The following ZNF804A variants were observed in gnomAD, a reference collection of about 807,000 sequenced individuals.
ZNF804A encodes the protein zinc finger protein 804A.
A neutral mutation model predicts 16.5 loss-of-function variants in ZNF804A; 2 were observed. The ratio of observed to expected loss-of-function variants is 0.12; its 90% CI spans 0.05 to 0.38. ZNF804A has a LOEUF of 0.38. ZNF804A is among the 10% of genes least tolerant of loss of function. The pLI is 0.99. For synonymous variants in ZNF804A, 534 were observed against 489.6 expected (o/e 1.09, Z -1.20); for missense variants, 1,473 against 1,390.7 (o/e 1.06, Z -0.94).
intron 1 of ZNF804A, among the ~76,000 whole-genome samples, chr2:184,669,702 A>T (rs1330669958): frequency 6.6e-6 from 1 of 151,902 alleles, no homozygotes; most frequent in African/African-American, 2.4e-5. Flanking sequence ...AATATCATTA[A>T]ACCATATGTC....
rs1334110622 is a variant in ZNF804A at position 184,937,134 on chromosome 2, A to C, written c.1738A>C (p.Ile580Leu). ...QDTLDEKYNK[I>L]RLKETHEYWF... ...CACTCTAGATGAAAAATACAACAAA[A>C]TAAGGTTGAAAGAGACCCATGAATA... The change falls in exon 4 of 4, where the codon ATA becomes CTA. Residue 580 changes from isoleucine (I) to leucine (L), a missense_variant. By Grantham distance (5) the Ile-to-Leu change is conservative (BLOSUM62 2). Transcript: ENST00000302277. 2 of 1,603,832 alleles carry C rather than the reference A, an allele frequency of 1.2e-6. No homozygotes were observed. The highest frequency in any genetic ancestry group is 3.5e-5 in the Admixed American group (2 of 57,012).
rs1049402487 is a variant in ZNF804A, at chr2:184,894,457, T to G, written c.255+27945T>G. On this transcript the variant is annotated intron_variant, in intron 2 of 3. Coordinates refer to ENST00000302277, the MANE Select transcript of ZNF804A (RefSeq NM_194250.2). ...ATTAAAAATTTTTTTATTAACGTAT[T>G]TTTATTGGCATACTTTTGCCCTTTT... Among the ~76,000 whole-genome samples the G allele has an allele frequency of 4.6e-5, 7 of 152,210 alleles. No individual in the cohort carries two copies. The East Asian group carries it at 1.3e-3, about 29-fold the overall frequency.
chr2:184,938,581 C>T lies in ZNF804A; in HGVS notation c.3185C>T (p.Ala1062Val), dbSNP rs752598917. 6 of 1,613,908 alleles carry T rather than the reference C, an allele frequency of 3.7e-6. No homozygotes were observed. Among genetic ancestry groups the T allele is most frequent in the South Asian group, 1.1e-5 (1 of 91,080 alleles). The change falls in exon 4 of 4, where the codon GCC becomes GTC. Residue 1062 changes from alanine to valine, a missense_variant. Coordinates refer to ENST00000302277, the MANE Select transcript of ZNF804A (RefSeq NM_194250.2). ...CACATTCTGCAGCCAAACATGCTGG[C>T]CAACAAGGTTAAATTTACCTTTCCT... ...YQHILQPNML[A>V]NKVKFTFPPA...
chr2:184,787,648 TTCTTC>T (rs1288523162), intron 1 of ZNF804A, among the ~76,000 whole-genome samples: 1 of 151,946 alleles, frequency 6.6e-6, no homozygotes, highest in Non-Finnish European at 1.5e-5. Context: ...CCACTTGTAT[TTCTTC>T]TTTTGAGAGA....
chr2:184,688,160 A>C (rs1268108873), intron 1 of ZNF804A, among the ~76,000 whole-genome samples: 1 of 152,062 alleles, frequency 6.6e-6, no homozygotes, highest in East Asian at 1.9e-4. Flanking sequence ...TTATAAACAT[A>C]TAATAAATAA....
intron 1 of ZNF804A, among the ~76,000 whole-genome samples, chr2:184,622,921 T>A (rs1691441181): frequency 6.6e-6 from 1 of 152,016 alleles, no homozygotes; most frequent in Non-Finnish European, 1.5e-5. Context: ...GATATTGCAC[T>A]GAAAAATCAG....
At chr2:184,837,781 C>A (rs1695376230) in intron 1 of ZNF804A, among the ~76,000 whole-genome samples, 1 of 152,112 alleles carries the variant, frequency 6.6e-6, no homozygotes, top group Admixed American at 6.6e-5. Context: ...GCTCACTGAG[C>A]ATATTCTACA....
intron 2 of ZNF804A, among the ~76,000 whole-genome samples, chr2:184,892,361 T>A (rs1574259338): frequency 6.6e-6 from 1 of 151,992 alleles, no homozygotes; most frequent in South Asian, 2.1e-4. Flanking sequence ...AAGGGTAATG[T>A]GCATTTTTTG....
At chr2:184,699,746 G>A (rs2105730387) in intron 1 of ZNF804A, among the ~76,000 whole-genome samples, 1 of 152,180 alleles carries the variant, frequency 6.6e-6, no homozygotes, top group South Asian at 2.1e-4. Flanking sequence ...AAACCTCAAT[G>A]TTTAATGCCA....
chr2:184,841,121 C>T (rs1329124375), intron 1 of ZNF804A, among the ~76,000 whole-genome samples: 2 of 152,050 alleles, frequency 1.3e-5, no homozygotes, highest in African/African-American at 2.4e-5. Flanking sequence ...CTATCTTTCA[C>T]GTTTTTGTCA....
At chr2:184,617,599 T>C (rs1307813499) in intron 1 of ZNF804A, among the ~76,000 whole-genome samples, 3 of 151,662 alleles carry the variant, frequency 2.0e-5, no homozygotes, top group African/African-American at 7.2e-5. Flanking sequence ...ATAGGTACTC[T>C]TAAGTCATTT....
At chr2:184,799,298 C>T (rs1365986232) in intron 1 of ZNF804A, among the ~76,000 whole-genome samples, 1 of 152,000 alleles carries the variant, frequency 6.6e-6, no homozygotes, top group Non-Finnish European at 1.5e-5. Context: ...ATTCCTGATG[C>T]ACCGATTGAT....
At chr2:184,685,369 G>A (rs1341246804) in intron 1 of ZNF804A, among the ~76,000 whole-genome samples, 3 of 152,012 alleles carry the variant, frequency 2.0e-5, no homozygotes, top group South Asian at 2.1e-4. Context: ...CCAAAGGGCC[G>A]CAGCTCTTCT....
At position 184,801,987 on chromosome 2, in the gene ZNF804A, T is replaced by TG. The variant is rs377714961; in HGVS notation, c.112-64382_112-64381insG. Among the ~76,000 whole-genome samples the TG allele has an allele frequency of 3.5e-3, 531 of 152,264 alleles. 2 individuals are homozygous for TG. The highest frequency in any genetic ancestry group is 0.017 in the Middle Eastern group (5 of 294). ...GCTGTAGCTGTAGGTGTCAGAGGCTTCAAATGTCTAGCACCCTGTTGTCCG... is the reference window on the plus strand; with the variant it reads ...GCTGTAGCTGTAGGTGTCAGAGGCTTGCAAATGTCTAGCACCCTGTTGTCCG... On this transcript the variant is annotated intron_variant, in intron 1 of 3. Transcript: ENST00000302277.
intron 1 of ZNF804A, among the ~76,000 whole-genome samples, chr2:184,834,618 A>G (rs1695315104): frequency 6.6e-6 from 1 of 152,112 alleles, no homozygotes; most frequent in African/African-American, 2.4e-5. Context: ...TTCTAGTCCA[A>G]CATGCAACAA....
chr2:184,811,735 T>A (rs1174100643), intron 1 of ZNF804A, among the ~76,000 whole-genome samples: 1 of 152,042 alleles, frequency 6.6e-6, no homozygotes. Context: ...AAAAAAGTAA[T>A]AATAATAAAG....
At chr2:184,707,844 G>T (rs1360523454) in intron 1 of ZNF804A, among the ~76,000 whole-genome samples, 1 of 152,016 alleles carries the variant, frequency 6.6e-6, no homozygotes, top group Non-Finnish European at 1.5e-5. Context: ...GTAGTTCGAA[G>T]TTCTTTGAGA....
intron 1 of ZNF804A, among the ~76,000 whole-genome samples, chr2:184,654,965 C>T (rs1692050560): frequency 1.3e-5 from 2 of 152,158 alleles, no homozygotes; most frequent in Admixed American, 1.3e-4. Context: ...AGAAATGGCA[C>T]AGATGCCACC....
intron 1 of ZNF804A, among the ~76,000 whole-genome samples, chr2:184,837,041 C>T (rs1695361190): frequency 6.6e-6 from 1 of 152,018 alleles, no homozygotes; most frequent in African/African-American, 2.4e-5. Flanking sequence ...ACTACTGCTT[C>T]TTCGCAGATC....
Sources: allele counts gnomAD v4.1 joint callset (sites outside exome capture counted in the v4.1 genomes callset), GRCh38; gene constraint gnomAD v4.1.1; transcripts MANE v1.5; gene names NCBI Gene and HGNC (gene_info 2026-07-23, HGNC 2026-07-21).